The following SPINK5 variants were observed in gnomAD, a reference collection of about 807,000 sequenced individuals.
SPINK5 encodes serine peptidase inhibitor Kazal type 5, also known as serine protease inhibitor Kazal-type 5.
SPINK5 carries 125 observed loss-of-function variants against 151.8 expected under a neutral mutation model. The observed-to-expected ratio is 0.82, with a 90% confidence interval of 0.71 to 0.96. SPINK5 has a LOEUF of 0.96. Ranked by LOEUF, SPINK5 falls within the 40% of genes least tolerant of loss-of-function variation. The probability of loss-of-function intolerance (pLI) is 0.00; values close to 1 mark genes in which losing one functional copy is unlikely to be tolerated. For synonymous variants in SPINK5, 374 were observed against 395.3 expected (o/e 0.95, Z 0.64); for missense variants, 1,194 against 1,291.9 (o/e 0.92, Z 1.16).
At position 148,108,621 on chromosome 5, in the gene SPINK5, C is replaced by G. The variant is rs1753840188; in HGVS notation, c.1608-132C>G. ...ACTATTGGTTAAAGCAAAAGCACCT[C>G]TCAGACTAGATAAATTTGTATTGAA... On this transcript the variant is annotated intron_variant, in intron 17 of 32. Transcript: ENST00000256084. The G allele has an allele frequency of 6.0e-6, 8 of 1,330,132 alleles. No individual in the cohort carries two copies. The East Asian group carries it at 2.0e-4, about 33-fold the overall frequency. The allele number at this position is 1,330,132 out of a possible 1,614,324, so 82.4% of individuals were successfully genotyped here.
intron 8 of SPINK5, 33 bp from the exon 9 acceptor site, chr5:148,094,321 T>C (rs1328101782): frequency 6.2e-7 from 1 of 1,605,882 alleles, no homozygotes; most frequent in African/African-American, 1.3e-5. Context: ...TGAAATGAAA[T>C]GAAGTAAAAT....
intron 26 of SPINK5, among the ~76,000 whole-genome samples, chr5:148,121,595 TA>T (rs1352043722): frequency 6.6e-6 from 1 of 151,792 alleles, no homozygotes; most frequent in Non-Finnish European, 1.5e-5. Flanking sequence ...GATCCTTATT[TA>T]AAAAATTTTG....
chr5:148,079,005 C>G (rs896483564), intron 4 of SPINK5, among the ~76,000 whole-genome samples: 1 of 150,752 alleles, frequency 6.6e-6, no homozygotes, highest in Non-Finnish European at 1.5e-5. Context: ...AAAAGATCAA[C>G]AAACCTGACA....
At chr5:148,126,571 T>TTTTATTTATTTATTTA (rs78833989) in intron 29 of SPINK5, among the ~76,000 whole-genome samples, 68 of 149,838 alleles carry the variant, frequency 4.5e-4, no homozygotes, top group African/African-American at 1.7e-3. Context: ...TGTGATTCTG[T>TTTTATTTATTTATTTA]TTTATTTATT....
chr5:148,072,717 T>G (rs991021532), intron 4 of SPINK5, among the ~76,000 whole-genome samples: 7 of 108,632 alleles, frequency 6.4e-5, no homozygotes, highest in African/African-American at 2.6e-4. Flanking sequence ...TGACTCATTC[T>G]GTTTCCTTTT....
chr5:148,077,637 GTA>G (rs71001472), intron 4 of SPINK5, among the ~76,000 whole-genome samples: 2,276 of 134,966 alleles, frequency 0.017, 31 homozygotes, highest in Middle Eastern at 0.098. Context: ...GTTTTATCAG[GTA>G]TATATATATA....
chr5:148,105,386 G>A (rs1478066204), intron 16 of SPINK5, among the ~76,000 whole-genome samples: 3 of 152,034 alleles, frequency 2.0e-5, no homozygotes, highest in African/African-American at 7.2e-5. Flanking sequence ...TTTACAAAAC[G>A]AAAGCACATA....
intron 13 of SPINK5, 68 bp downstream of exon 13, chr5:148,100,649 A>C: frequency 6.4e-7 from 1 of 1,560,644 alleles, no homozygotes; most frequent in Non-Finnish European, 8.8e-7. Flanking sequence ...TCCATGTTCA[A>C]TTATGGGAGG....
rs2113105257 is a variant in SPINK5 at position 148,097,883 on chromosome 5, A to G, written c.899A>G (p.Tyr300Cys). 1 of 1,610,810 alleles carries G rather than the reference A, an allele frequency of 6.2e-7. No individual in the cohort carries two copies. Among genetic ancestry groups the G allele is most frequent in the Non-Finnish European group, 8.5e-7 (1 of 1,177,528 alleles). The part of the protein sequence containing the change: ...KREIVKLCSQ[Y>C]QNQAKNGILF... Reference sequence around the variant, plus strand: ...ATTATTCAGAAACTCTGCAGTCAATATCAAAATCAGGCAAAGAATGGAATA... The same window carrying G: ...ATTATTCAGAAACTCTGCAGTCAATGTCAAAATCAGGCAAAGAATGGAATA... Residue 300 changes from tyrosine (Y) to cysteine (C), a missense_variant, in exon 11 of 33, where the codon TAT becomes TGT. By Grantham distance (194) the Tyr-to-Cys change is radical. Coordinates refer to ENST00000256084, the MANE Select transcript of SPINK5 (RefSeq NM_006846.4).
At chr5:148,120,255 T>C in intron 25 of SPINK5, 40 bp from the exon 26 acceptor site, 1 of 1,605,894 alleles carries the variant, frequency 6.2e-7, no homozygotes, top group Non-Finnish European at 8.5e-7. Flanking sequence ...ATGAGGCGTT[T>C]GTTCACTTTG....
rs758569792 is a variant in SPINK5, at chr5:148,104,983, A to G, written c.1462A>G (p.Lys488Glu). The change falls in exon 16 of 33, where the codon AAA becomes GAA. Residue 488 changes from lysine (K) to glutamate (E), a missense_variant. By Grantham distance (56) the Lys-to-Glu change is moderately conservative. Transcript: ENST00000256084. ...AGAAGAAAGAGCAAGAGCAAAGGCT[A>G]AAAGAGAAGCTGCAAAGGTAATATT... Reference protein sequence around the residue: ...QQEERARAKAKREAAKEICSE... With the variant: ...QQEERARAKAEREAAKEICSE... The G allele has an allele frequency of 6.8e-6, 11 of 1,614,040 alleles. No homozygotes were observed. The highest frequency in any genetic ancestry group is 9.3e-6 in the Non-Finnish European group (11 of 1,179,932).
At chr5:148,098,205 G>A (rs993581173) in intron 11 of SPINK5, among the ~76,000 whole-genome samples, 1 of 151,928 alleles carries the variant, frequency 6.6e-6, no homozygotes, top group Admixed American at 6.6e-5. Flanking sequence ...CCCTCTTTTA[G>A]CACTGGAATG....
At chr5:148,076,375 C>T (rs1752881013) in intron 4 of SPINK5, among the ~76,000 whole-genome samples, 1 of 151,372 alleles carries the variant, frequency 6.6e-6, no homozygotes, top group Non-Finnish European at 1.5e-5. Context: ...AAGATTTAAT[C>T]CAGCCACAGA....
intron 29 of SPINK5, 56 bp from the exon 30 acceptor site, chr5:148,126,927 C>A (rs192605440): frequency 2.5e-5 from 34 of 1,387,036 alleles, no homozygotes; most frequent in Non-Finnish European, 3.1e-5. Flanking sequence ...TAACTTCTCA[C>A]TGGAAGTTAT....
intron 31 of SPINK5, among the ~76,000 whole-genome samples, chr5:148,133,284 A>T (rs1179000691): frequency 6.6e-6 from 1 of 152,226 alleles, no homozygotes; most frequent in Non-Finnish European, 1.5e-5. Context: ...GCCTTGATAG[A>T]TAATGAGTTT....
At chr5:148,114,280 T>C in intron 20 of SPINK5, 82 bp from the exon 21 acceptor site, 1 of 1,438,770 alleles carries the variant, frequency 7.0e-7, no homozygotes, top group South Asian at 1.3e-5. Context: ...CTTTTTTTTT[T>C]TTCTATAAAG....
rs267600475 is a variant in SPINK5, at chr5:148,100,576, C to T, written c.1215C>T (p.Val405=). 6.2e-7 allele frequency: 1 copy of T among 1,612,910 alleles called. No individual in the cohort carries two copies. Among genetic ancestry groups the T allele is most frequent in the Non-Finnish European group, 8.5e-7 (1 of 1,179,250 alleles). ...GCAACACCTGCTCCATGTGTGAGGT[C>T]TTCTTGTGAGTAGCCCTGCAGCTGG... The part of the protein sequence containing the change: ...VHGNTCSMCE[V]FFQAEEEEKK... Residue 405 remains valine, a synonymous_variant, in exon 13 of 33, where the codon GTC becomes GTT. Transcript: ENST00000256084.
At chr5:148,089,679 G>C in intron 7 of SPINK5, 58 bp downstream of exon 7, 1 of 1,609,432 alleles carries the variant, frequency 6.2e-7, no homozygotes, top group Non-Finnish European at 8.5e-7. Flanking sequence ...GCTGTCCCGA[G>C]AATCACTCAG....
chr5:148,080,839 G>T (rs1219169636), intron 4 of SPINK5, among the ~76,000 whole-genome samples: 1 of 151,352 alleles, frequency 6.6e-6, no homozygotes, highest in Non-Finnish European at 1.5e-5. Flanking sequence ...ATGACAACAA[G>T]AAGTCAATGA....
Sources: gnomAD v4.1 joint callset for allele counts (sites outside exome capture counted in the v4.1 genomes callset) on GRCh38, gnomAD v4.1.1 for gene constraint, MANE v1.5 for transcripts, NCBI Gene and HGNC (gene_info 2026-07-23, HGNC 2026-07-21) for gene names.